The following FMN2 variants were observed in gnomAD, a reference collection of about 807,000 sequenced individuals.
The protein encoded by FMN2 is formin 2.
In FMN2, 51 loss-of-function variants were observed where a neutral mutation model predicts 142.3. The ratio of observed to expected loss-of-function variants is 0.36; its 90% CI spans 0.29 to 0.45. The LOEUF (loss-of-function observed/expected upper bound fraction) is 0.45. Among genes scored for constraint, FMN2 ranks in the 20% least tolerant of loss-of-function variants. FMN2 has a pLI of 1.00. For synonymous variants in FMN2, 882 were observed against 869.8 expected (o/e 1.01, Z -0.25); for missense variants, 1,936 against 2,122.8 (o/e 0.91, Z 1.73).
At chr1:240,385,314 T>C (rs1673371335) in intron 14 of FMN2, among the ~76,000 whole-genome samples, 1 of 152,210 alleles carries the variant, frequency 6.6e-6, no homozygotes, top group Admixed American at 6.5e-5. Context: ...AGGTTTTCGT[T>C]TTATCCGAAG....
intron 2 of FMN2, among the ~76,000 whole-genome samples, chr1:240,163,368 G>A (rs1664356622): frequency 6.6e-6 from 1 of 152,098 alleles, no homozygotes; most frequent in Admixed American, 6.6e-5. Context: ...TTTGCTATGT[G>A]TGCTTTGAAG....
chr1:240,459,501 C>G (rs1043751506), intron 16 of FMN2: 1 of 151,984 alleles, frequency 6.6e-6, no homozygotes, highest in Non-Finnish European at 1.5e-5. Flanking sequence ...GGGCGGATCA[C>G]GAGGTCAGGA....
intron 2 of FMN2, among the ~76,000 whole-genome samples, chr1:240,177,622 C>T (rs1337481198): frequency 6.6e-6 from 1 of 152,070 alleles, no homozygotes; most frequent in African/African-American, 2.4e-5. Flanking sequence ...TCTGGACTAT[C>T]TGATTTTATA....
intron 16 of FMN2, among the ~76,000 whole-genome samples, chr1:240,447,673 C>T (rs543769341): frequency 1.2e-4 from 19 of 152,276 alleles, no homozygotes; most frequent in African/African-American, 4.1e-4. Flanking sequence ...GGGGCCTGAA[C>T]GTAGATTCGT....
intron 15 of FMN2, among the ~76,000 whole-genome samples, chr1:240,433,851 C>T (rs746344155): frequency 2.0e-5 from 3 of 152,040 alleles, no homozygotes; most frequent in Admixed American, 6.6e-5. Flanking sequence ...TTTTGAGTTT[C>T]GTTGGGGACG....
chr1:240,120,560 T>C (rs1662194326), intron 1 of FMN2, among the ~76,000 whole-genome samples: 1 of 152,180 alleles, frequency 6.6e-6, no homozygotes. Context: ...AGTGACCAAG[T>C]TTGCAAGGTA....
intron 8 of FMN2, among the ~76,000 whole-genome samples, chr1:240,305,620 A>G (rs959633016): frequency 2.6e-5 from 4 of 152,230 alleles, no homozygotes; most frequent in African/African-American, 9.6e-5. Context: ...TGAAAACAAT[A>G]GTATTACGTG....
intron 2 of FMN2, chr1:240,170,164 G>A (rs553018713): frequency 9.4e-5 from 86 of 917,656 alleles, no homozygotes; most frequent in Non-Finnish European, 1.2e-4. Flanking sequence ...ACCAGAACCC[G>A]TGGACATGGT....
chr1:240,238,480 T>C (rs1033846265), intron 6 of FMN2, among the ~76,000 whole-genome samples: 22 of 152,222 alleles, frequency 1.4e-4, no homozygotes, highest in African/African-American at 4.8e-4. Context: ...CACTGACACA[T>C]ATAATGACTT....
At chr1:240,295,684 G>A (rs1669950048) in intron 8 of FMN2, among the ~76,000 whole-genome samples, 1 of 152,120 alleles carries the variant, frequency 6.6e-6, no homozygotes, top group Non-Finnish European at 1.5e-5. Flanking sequence ...ACACTGGTTG[G>A]TTTTATATCT....
At chr1:240,292,845 A>C (rs1420189539) in intron 7 of FMN2, among the ~76,000 whole-genome samples, 1 of 152,114 alleles carries the variant, frequency 6.6e-6, no homozygotes, top group African/African-American at 2.4e-5. Context: ...GTCAGTATTT[A>C]ATCTTTCTTT....
chr1:240,093,292 G>T lies in FMN2; in HGVS notation c.1183G>T (p.Ala395Ser), dbSNP rs1661072347. ...EAQGPDAPAA[A>S]SLPGSPAPSQ... ...GCAAGGACCTGACGCCCCCGCGGCCGCTTCCCTGCCCGGCAGCCCCGCGCC... is the reference window on the plus strand; with the variant it reads ...GCAAGGACCTGACGCCCCCGCGGCCTCTTCCCTGCCCGGCAGCCCCGCGCC... Residue 395 changes from alanine to serine, a missense_variant, in exon 1 of 18, where the codon GCT (alanine) becomes TCT (serine). This residue lies in a region of FMN2 where 751 missense variants were observed against 791.8 expected (regional missense o/e 0.95). Coordinates refer to ENST00000319653, the MANE Select transcript of FMN2 (RefSeq NM_020066.5). The T allele has an allele frequency of 2.5e-6, 4 of 1,608,576 alleles. No individual in the cohort carries two copies. Among genetic ancestry groups the T allele is most frequent in the Admixed American group, 1.7e-5 (1 of 59,422 alleles).
intron 2 of FMN2, among the ~76,000 whole-genome samples, chr1:240,162,424 A>G (rs957007552): frequency 1.6e-4 from 24 of 150,400 alleles, no homozygotes; most frequent in African/African-American, 5.6e-4. Flanking sequence ...AGATCGCACC[A>G]CTGCACTCTA....
chr1:240,278,393 T>C (rs954974896), intron 7 of FMN2, among the ~76,000 whole-genome samples: 3 of 152,202 alleles, frequency 2.0e-5, no homozygotes, highest in Admixed American at 2.0e-4. Flanking sequence ...GCTCGAAGTG[T>C]TGAAATACGA....
intron 6 of FMN2, among the ~76,000 whole-genome samples, chr1:240,257,729 G>T (rs1306149970): frequency 6.6e-6 from 1 of 152,102 alleles, no homozygotes; most frequent in African/African-American, 2.4e-5. Context: ...GAGGCTGATG[G>T]TGAATAATGG....
At chr1:240,298,287 A>T (rs1670064128) in intron 8 of FMN2, among the ~76,000 whole-genome samples, 1 of 152,208 alleles carries the variant, frequency 6.6e-6, no homozygotes, top group Non-Finnish European at 1.5e-5. Flanking sequence ...ATCCGTTATG[A>T]ACAATAACAG....
At chr1:240,343,973 ACACAG>A (rs1671823510) in intron 13 of FMN2, among the ~76,000 whole-genome samples, 2 of 152,166 alleles carry the variant, frequency 1.3e-5, no homozygotes, top group East Asian at 3.9e-4. Flanking sequence ...CATTCTTAGA[ACACAG>A]TGACCATGAG....
intron 6 of FMN2, among the ~76,000 whole-genome samples, chr1:240,221,312 G>T (rs1285422040): frequency 1.3e-5 from 2 of 152,132 alleles, no homozygotes; most frequent in Non-Finnish European, 2.9e-5. Context: ...CACAATGGTT[G>T]AACTAATTTA....
chr1:240,101,013 G>C (rs574163747), intron 1 of FMN2, among the ~76,000 whole-genome samples: 1 of 152,292 alleles, frequency 6.6e-6, no homozygotes, highest in East Asian at 1.9e-4. Context: ...TCATTTAAAT[G>C]GTTGTTTTAG....
Sources: gnomAD v4.1 joint callset for allele counts (sites outside exome capture counted in the v4.1 genomes callset) on GRCh38, gnomAD v4.1.1 for gene constraint, gnomAD v4.1.1 regional missense constraint, MANE v1.5 for transcripts, NCBI Gene and HGNC (gene_info 2026-07-23, HGNC 2026-07-21) for gene names.